The following SCFD1 variants were observed in gnomAD, a reference collection of about 807,000 sequenced individuals.
SCFD1 encodes sec1 family domain-containing protein 1.
Under a neutral mutation model 103.2 loss-of-function variants are expected in SCFD1, and 37 were observed. The ratio of observed to expected loss-of-function variants is 0.36; its 90% CI spans 0.28 to 0.47. The LOEUF (loss-of-function observed/expected upper bound fraction) is 0.47. SCFD1 is among the 20% of genes least tolerant of loss of function. SCFD1 has a pLI of 1.00. For synonymous variants in SCFD1, 264 were observed against 245.0 expected (o/e 1.08, Z -0.73); for missense variants, 639 against 761.2 (o/e 0.84, Z 1.89).
In SCFD1 at chr14:30,675,082, C is replaced by A. The variant is rs944119843; in HGVS notation, c.1242+17C>A. 13 of 1,401,060 alleles carry A rather than the reference C, an allele frequency of 9.3e-6. No individual in the cohort carries two copies. The highest frequency in any genetic ancestry group is 1.5e-5 in the African/African-American group (1 of 68,832). The allele number at this position is 1,401,060 out of a possible 1,614,324, so 86.8% of individuals were successfully genotyped here. A position where few individuals can be genotyped will look rare whatever the true frequency, so the allele number is the denominator to read the frequency against. ...CATATAAAGGTAAATTTAACTTTTT[C>A]CCCCCCACAATATGACTTGCATTTA... On this transcript the variant is annotated intron_variant, in intron 14 of 24. Transcript: ENST00000458591.
intron 21 of SCFD1, among the ~76,000 whole-genome samples, chr14:30,720,720 G>C (rs754227948): frequency 6.6e-6 from 1 of 152,168 alleles, no homozygotes; most frequent in East Asian, 1.9e-4. Flanking sequence ...GTAATCTAGA[G>C]ATTATTTAAA....
At chr14:30,643,741 C>A in intron 7 of SCFD1, 1 of 313,094 alleles carries the variant, frequency 3.2e-6, no homozygotes, top group South Asian at 3.6e-5. Context: ...AAACACATTT[C>A]TAAATAGAGA....
chr14:30,626,827 A>G (rs188857839), intron 1 of SCFD1, among the ~76,000 whole-genome samples: 7 of 152,312 alleles, frequency 4.6e-5, no homozygotes, highest in Admixed American at 3.3e-4. Context: ...TAAGTATGCA[A>G]ATGTATCACT....
At chr14:30,663,679 A>G (rs971958686) in intron 10 of SCFD1, among the ~76,000 whole-genome samples, 3 of 152,206 alleles carry the variant, frequency 2.0e-5, no homozygotes, top group African/African-American at 7.2e-5. Flanking sequence ...AGGGAATTTC[A>G]AGTGATAGAA....
intron 21 of SCFD1, among the ~76,000 whole-genome samples, chr14:30,719,887 T>G (rs1041059290): frequency 6.6e-6 from 1 of 151,066 alleles, no homozygotes; most frequent in Admixed American, 6.6e-5. Context: ...TGGATATTAT[T>G]TTTCATGATT....
At chr14:30,698,444 TGAA>T (rs1890847886) in intron 15 of SCFD1, among the ~76,000 whole-genome samples, 1 of 152,214 alleles carries the variant, frequency 6.6e-6, no homozygotes, top group Non-Finnish European at 1.5e-5. Flanking sequence ...TGTTTCCTCT[TGAA>T]GAAGAGTGGG....
intron 2 of SCFD1, 64 bp from the exon 3 acceptor site, chr14:30,630,413 G>T: frequency 4.4e-6 from 4 of 906,762 alleles, no homozygotes; most frequent in Non-Finnish European, 7.4e-6. Context: ...CTTCAACATT[G>T]TCTTAATATA....
At chr14:30,622,531 C>T (rs1882949048) in intron 1 of SCFD1, 132 bp downstream of exon 1, 1 of 1,404,098 alleles carries the variant, frequency 7.1e-7, no homozygotes, top group African/African-American at 1.4e-5. Flanking sequence ...AGCCCCTCCC[C>T]TTTGAGTTTT....
intron 10 of SCFD1, among the ~76,000 whole-genome samples, chr14:30,664,602 G>A (rs973865946): frequency 6.6e-6 from 1 of 151,962 alleles, no homozygotes; most frequent in Admixed American, 6.6e-5. Context: ...TCTCCAAGCT[G>A]AAGGAGGATG....
chr14:30,653,438 G>A (rs752129493), intron 9 of SCFD1, 51 bp from the exon 10 acceptor site: 1 of 1,095,536 alleles, frequency 9.1e-7, no homozygotes, highest in South Asian at 1.3e-5. Flanking sequence ...TATTTTAGAT[G>A]TATACACTGG....
At chr14:30,698,574 A>T (rs888154569) in intron 15 of SCFD1, among the ~76,000 whole-genome samples, 1 of 152,144 alleles carries the variant, frequency 6.6e-6, no homozygotes, top group Non-Finnish European at 1.5e-5. Context: ...GAGGGAGGGG[A>T]ACCTTCCTCT....
At chr14:30,632,250 A>AT (rs1884250562) in intron 3 of SCFD1, among the ~76,000 whole-genome samples, 1 of 152,028 alleles carries the variant, frequency 6.6e-6, no homozygotes, top group South Asian at 2.1e-4. Flanking sequence ...ATAGTTTTAG[A>AT]TTTTCGATAA....
At chr14:30,703,234 A>T (rs569026583) in intron 17 of SCFD1, among the ~76,000 whole-genome samples, 2 of 151,154 alleles carry the variant, frequency 1.3e-5, no homozygotes, top group South Asian at 4.2e-4. Flanking sequence ...ATGACATAAG[A>T]AATAAAACTA....
chr14:30,713,241 A>AT (rs1335232831), intron 19 of SCFD1, among the ~76,000 whole-genome samples: 3 of 152,158 alleles, frequency 2.0e-5, no homozygotes, highest in Non-Finnish European at 2.9e-5. Context: ...GACATTATGT[A>AT]TTTTTTAAAA....
At chr14:30,729,924 G>T (rs1196762055) in intron 23 of SCFD1, among the ~76,000 whole-genome samples, 1 of 151,720 alleles carries the variant, frequency 6.6e-6, no homozygotes. Context: ...TTTGTTACAT[G>T]TGTATAAATG....
chr14:30,627,412 A>T (rs908184006), intron 1 of SCFD1, among the ~76,000 whole-genome samples: 2 of 152,204 alleles, frequency 1.3e-5, no homozygotes, highest in African/African-American at 4.8e-5. Context: ...GGTTTTGTAT[A>T]TGAACCAATT....
chr14:30,676,497 GTGAAATCACC>G (rs1889045554), intron 14 of SCFD1: 1 of 152,232 alleles, frequency 6.6e-6, no homozygotes, highest in African/African-American at 2.4e-5. Flanking sequence ...AAGTCTGCAA[GTGAAATCACC>G]TTTGATGAGG....
At position 30,666,677 on chromosome 14, in the gene SCFD1, A is replaced by G. The variant is rs548086936; in HGVS notation, c.856-3579A>G. 7.1e-4 allele frequency among the ~76,000 whole-genome samples: 108 copies of G among 152,320 alleles called. 1 individual carries two copies. Among genetic ancestry groups the G allele is most frequent in the African/African-American group, 2.5e-3 (103 of 41,574 alleles). On this transcript the variant is annotated intron_variant, in intron 10 of 24. Coordinates refer to ENST00000458591, the MANE Select transcript of SCFD1 (RefSeq NM_016106.4). ...TAGCAAGACTAATAAAGAAGAAAAG[A>G]GAGAAGAATCAAATAGACGCAATAA... is the stretch of plus-strand genomic sequence containing the variant.
At chr14:30,699,414 CT>C (rs1284477054) in intron 15 of SCFD1, among the ~76,000 whole-genome samples, 3 of 152,134 alleles carry the variant, frequency 2.0e-5, no homozygotes, top group Non-Finnish European at 4.4e-5. Flanking sequence ...GAGAACAATG[CT>C]TTATCACCTT....
Sources: allele counts gnomAD v4.1 joint callset (sites outside exome capture counted in the v4.1 genomes callset), GRCh38; gene constraint gnomAD v4.1.1; transcripts MANE v1.5; gene names NCBI Gene and HGNC (gene_info 2026-07-23, HGNC 2026-07-21).